CFH: variants seen among roughly 807,000 people sequenced by gnomAD.
CFH encodes H factor 1 (complement).
Under a neutral mutation model 147.3 loss-of-function variants are expected in CFH, and 53 were observed. The ratio of observed to expected loss-of-function variants is 0.36; its 90% CI spans 0.29 to 0.45. The LOEUF (loss-of-function observed/expected upper bound fraction) is 0.45. Ranked by LOEUF, CFH falls within the 20% of genes least tolerant of loss-of-function variation. CFH has a pLI of 1.00. For missense variants in CFH, 1,380 were observed against 1,498.0 expected (o/e 0.92, Z 1.30); for synonymous variants, 536 against 489.4 (o/e 1.10, Z -1.26).
intron 1 of CFH, among the ~76,000 whole-genome samples, chr1:196,672,525 C>A (rs575998971): frequency 5.9e-5 from 9 of 152,258 alleles, no homozygotes; most frequent in African/African-American, 2.2e-4. Flanking sequence ...TTATACATCT[C>A]TTTGATTACT....
chr1:196,714,635 G>GTGTATATATATATATATA (rs1392624278), intron 10 of CFH, among the ~76,000 whole-genome samples: 5 of 24,922 alleles, frequency 2.0e-4, no homozygotes, highest in East Asian at 7.9e-4. Context: ...ACGTATATAT[G>GTGTATATATATATATATA]TATATATATA....
At position 196,677,665 on chromosome 1, in the gene CFH, T is replaced by C; in HGVS notation, c.617T>C (p.Val206Ala). 1 of 1,612,456 alleles carries C rather than the reference T, an allele frequency of 6.2e-7. No individual in the cohort carries two copies. The highest frequency in any genetic ancestry group is 1.7e-4 in the Middle Eastern group (1 of 6,050). Residue 206 changes from valine to alanine, a missense_variant and splice_region_variant, in exon 5 of 22, where the codon GTG (valine) becomes GCG (alanine). Transcript: ENST00000367429. The stretch of plus-strand genomic sequence containing the variant: ...TGGAGTAAAGAGAAACCAAAGTGTG[T>C]GGGTAAGATACACTTACTGTTTTAG... ...GFWSKEKPKC[V>A]EISCKSPDVI...
chr1:196,719,326 T>G (rs1440319327), intron 11 of CFH, among the ~76,000 whole-genome samples: 6 of 151,982 alleles, frequency 3.9e-5, no homozygotes, highest in African/African-American at 1.2e-4. Context: ...TTATATAAAA[T>G]TAGCACAAAA....
chr1:196,730,688 A>G (rs1669261608), intron 15 of CFH, among the ~76,000 whole-genome samples: 1 of 151,700 alleles, frequency 6.6e-6, no homozygotes, highest in African/African-American at 2.4e-5. Flanking sequence ...GATATCCCCT[A>G]CTATTACTGT....
At chr1:196,666,699 C>T (rs142741160) in intron 1 of CFH, among the ~76,000 whole-genome samples, 20 of 149,574 alleles carry the variant, frequency 1.3e-4, no homozygotes, top group Non-Finnish European at 2.5e-4. Flanking sequence ...GTAGTTCCAG[C>T]TACTCAGATG....
At chr1:196,704,396 C>T (rs1165658517) in intron 9 of CFH, among the ~76,000 whole-genome samples, 1 of 152,172 alleles carries the variant, frequency 6.6e-6, no homozygotes, top group Non-Finnish European at 1.5e-5. Flanking sequence ...GCCACTGCTC[C>T]CGTCCTGTTA....
At position 196,673,096 on chromosome 1, in the gene CFH, T is replaced by C. The variant is rs1301280399; in HGVS notation, c.177T>C (p.Leu59=). The C allele has an allele frequency of 6.2e-7, 1 of 1,613,986 alleles. No homozygotes were observed. Among genetic ancestry groups the C allele is most frequent in the Admixed American group, 1.7e-5 (1 of 60,004 alleles). The change falls in exon 2 of 22, where the codon CTT becomes CTC. Residue 59 remains leucine (L), a synonymous_variant. Transcript: ENST00000367429. The part of the protein sequence containing the change: ...IYKCRPGYRS[L]GNVIMVCRKG... ...AATGCCGCCCTGGATATAGATCTCTTGGAAATGTAATAATGGTATGCAGGA... is the reference window on the plus strand; with the variant it reads ...AATGCCGCCCTGGATATAGATCTCTCGGAAATGTAATAATGGTATGCAGGA...
intron 9 of CFH, chr1:196,701,198 T>C: frequency 7.3e-7 from 1 of 1,365,508 alleles, no homozygotes; most frequent in South Asian, 1.2e-5. Context: ...TGGAAGAAAT[T>C]ACTAACTCAG....
At chr1:196,685,023 T>C (rs773171798) in intron 6 of CFH, 41 bp from the exon 7 acceptor site, 2 of 1,422,590 alleles carry the variant, frequency 1.4e-6, no homozygotes, top group African/African-American at 2.8e-5. Flanking sequence ...TTTTAACGGA[T>C]ACTTATTTCT....
At chr1:196,744,269 C>A (rs532120001) in intron 20 of CFH, among the ~76,000 whole-genome samples, 2 of 151,312 alleles carry the variant, frequency 1.3e-5, no homozygotes, top group African/African-American at 4.9e-5. Context: ...GTTTACATAT[C>A]CATTCATCCT....
intron 11 of CFH, among the ~76,000 whole-genome samples, chr1:196,717,638 A>G (rs1668902219): frequency 1.3e-5 from 2 of 152,154 alleles, no homozygotes; most frequent in African/African-American, 4.8e-5. Flanking sequence ...TTTGAATCTA[A>G]TAGGAAGATC....
Position 196,714,073 on chromosome 1 carries a change from C to G in CFH, c.1519+156C>G, listed in dbSNP as rs538243520. 3.4e-3 allele frequency among the ~76,000 whole-genome samples: 509 copies of G among 151,660 alleles called. 3 individuals are homozygous for G. Among genetic ancestry groups the G allele is most frequent in the South Asian group, 0.029 (137 of 4,804 alleles). ...AGACATCAATTTTTTTTCCTTTTCA[C>G]ATTAATTACTCAGATATTAGTCTGT... is the stretch of plus-strand genomic sequence containing the variant. On this transcript the variant is annotated intron_variant, in intron 10 of 21. Coordinates refer to ENST00000367429, the MANE Select transcript of CFH (RefSeq NM_000186.4).
At chr1:196,659,392 T>C (rs1666829629) in intron 1 of CFH, among the ~76,000 whole-genome samples, 1 of 152,192 alleles carries the variant, frequency 6.6e-6, no homozygotes, top group South Asian at 2.1e-4. Context: ...GGTCTTAGCC[T>C]GGGAAGGTTC....
intron 3 of CFH, among the ~76,000 whole-genome samples, chr1:196,674,492 A>C (rs1270796676): frequency 3.9e-5 from 6 of 152,148 alleles, no homozygotes; most frequent in African/African-American, 1.4e-4. Context: ...TGTTCCTTCT[A>C]ACCAACTACT....
intron 11 of CFH, among the ~76,000 whole-genome samples, chr1:196,721,579 T>C (rs1412903092): frequency 2.0e-5 from 3 of 152,012 alleles, no homozygotes; most frequent in African/African-American, 7.2e-5. Context: ...CCATTTGTTC[T>C]ACAGTCCAAT....
At chr1:196,653,729 A>C (rs906418237) in intron 1 of CFH, among the ~76,000 whole-genome samples, 30 of 152,012 alleles carry the variant, frequency 2.0e-4, no homozygotes, top group African/African-American at 7.2e-4. Flanking sequence ...ATTATTGCTG[A>C]CTTGTTTCAC....
intron 1 of CFH, among the ~76,000 whole-genome samples, chr1:196,658,993 T>C (rs1666812988): frequency 6.6e-6 from 1 of 152,244 alleles, no homozygotes; most frequent in Non-Finnish European, 1.5e-5. Flanking sequence ...TATTCATTGT[T>C]TAAACTCAAA....
At chr1:196,711,957 G>A (rs1213669684) in intron 9 of CFH, among the ~76,000 whole-genome samples, 2 of 152,030 alleles carry the variant, frequency 1.3e-5, no homozygotes, top group Non-Finnish European at 2.9e-5. Flanking sequence ...TTCTCACTCT[G>A]TTTCCTGCAG....
Position 196,713,718 on chromosome 1 carries a change from A to T in CFH, c.1337-17A>T, listed in dbSNP as rs1260447753. The stretch of plus-strand genomic sequence containing the variant: ...TTGATCATATGCTTGTCTTTTTCTT[A>T]TTCTCTTCCCTTTTAGAAACATGTT... On this transcript the variant is annotated splice_polypyrimidine_tract_variant and intron_variant, in intron 9 of 21. Transcript: ENST00000367429. The T allele has an allele frequency of 2.0e-6, 3 of 1,499,158 alleles. No individual in the cohort carries two copies. The highest frequency in any genetic ancestry group is 2.8e-6 in the Non-Finnish European group (3 of 1,080,666). 92.9% of individuals were successfully genotyped at this position (1,499,158 alleles called of 1,614,324 possible).
Sources: allele counts gnomAD v4.1 joint callset (sites outside exome capture counted in the v4.1 genomes callset), GRCh38; gene constraint gnomAD v4.1.1; transcripts MANE v1.5; gene names NCBI Gene and HGNC (gene_info 2026-07-23, HGNC 2026-07-21).